ABCC1: variants seen among roughly 807,000 people sequenced by gnomAD.
The protein encoded by ABCC1 is ATP binding cassette subfamily C member 1 (ABCC1 blood group).
A neutral mutation model predicts 172.9 loss-of-function variants in ABCC1; 83 were observed. That is an observed-to-expected ratio of 0.48 (90% CI 0.40 to 0.58). The LOEUF (loss-of-function observed/expected upper bound fraction) is 0.58, where lower values mean the gene tolerates loss of function less well. ABCC1 is among the 20% of genes least tolerant of loss of function. The pLI, the probability that ABCC1 is intolerant of heterozygous loss-of-function variation, is 0.00. For synonymous variants in ABCC1, 937 were observed against 825.2 expected, an observed-to-expected ratio of 1.14 and a Z score of -2.32; for missense variants, 1,817 against 2,002.7, an observed-to-expected ratio of 0.91 and a Z score of 1.77.
intron 4 of ABCC1, 122 bp downstream of exon 4, chr16:16,014,750 AC>A: frequency 8.5e-7 from 1 of 1,178,138 alleles, no homozygotes; most frequent in Non-Finnish European, 1.2e-6. Context: ...TACCACATGC[AC>A]CTAGCTTCTC....
At chr16:16,134,062 T>C (rs535188626) in intron 27 of ABCC1, among the ~76,000 whole-genome samples, 53 of 152,234 alleles carry the variant, frequency 3.5e-4, no homozygotes, top group Admixed American at 1.0e-3. Context: ...TAGGGCTTTG[T>C]TGGAAATTCC....
intron 1 of ABCC1, among the ~76,000 whole-genome samples, chr16:15,973,260 T>G (rs990491453): frequency 3.3e-5 from 5 of 152,170 alleles, no homozygotes; most frequent in African/African-American, 1.2e-4. Context: ...AAAAAAGATA[T>G]TCTTTAAATC....
intron 26 of ABCC1, among the ~76,000 whole-genome samples, chr16:16,128,546 A>C (rs1324891211): frequency 6.6e-6 from 1 of 152,218 alleles, no homozygotes; most frequent in South Asian, 2.1e-4. Flanking sequence ...TGTCCTCATT[A>C]GTCCTACCAC....
At chr16:16,124,645 G>A in intron 24 of ABCC1, 144 bp from the exon 25 acceptor site, 2 of 1,206,796 alleles carry the variant, frequency 1.7e-6, no homozygotes. Context: ...TTTTGAAAAA[G>A]CAGTGCCAGG....
At chr16:16,125,671 G>A in intron 25 of ABCC1, 139 bp from the exon 26 acceptor site, 1 of 612,504 alleles carries the variant, frequency 1.6e-6, no homozygotes, top group Non-Finnish European at 2.8e-6. Flanking sequence ...GACCTCAGGT[G>A]ATCTGACCGC....
intron 12 of ABCC1, 21 bp downstream of exon 12, chr16:16,056,316 C>G: frequency 6.2e-7 from 1 of 1,613,568 alleles, no homozygotes; most frequent in Non-Finnish European, 8.5e-7. Context: ...CCACATTTTT[C>G]CTGGCCCTCA....
chr16:16,120,452 T>C (rs781249962), intron 23 of ABCC1, among the ~76,000 whole-genome samples: 14 of 152,138 alleles, frequency 9.2e-5, no homozygotes, highest in Non-Finnish European at 1.3e-4. Flanking sequence ...ACAAGACTTA[T>C]CGGGAGGCTC....
At chr16:15,986,716 C>T (rs1352464426) in intron 1 of ABCC1, among the ~76,000 whole-genome samples, 1 of 152,140 alleles carries the variant, frequency 6.6e-6, no homozygotes, top group Non-Finnish European at 1.5e-5. Flanking sequence ...CTGCAGAGTC[C>T]CTTTTGCCAT....
chr16:16,101,702 G>A (rs1479178450), intron 19 of ABCC1, among the ~76,000 whole-genome samples: 1 of 152,180 alleles, frequency 6.6e-6, no homozygotes, highest in African/African-American at 2.4e-5. Flanking sequence ...AGTGGGGGCA[G>A]TAGTCATCAT....
Position 16,036,523 on chromosome 16 carries a change from C to T in ABCC1, c.729C>T (p.Ser243=). 6.2e-7 allele frequency: 1 copy of T among 1,614,094 alleles called. No individual in the cohort carries two copies. The highest frequency in any genetic ancestry group is 8.5e-7 in the Non-Finnish European group (1 of 1,179,986). The change falls in exon 7 of 31, where the codon TCC becomes TCT. Residue 243 remains serine (S), a synonymous_variant. Transcript: ENST00000399410. ...RQPLEGSDLW[S]LNKEDTSEQV... ...CCCTGGAGGGCAGTGACCTCTGGTC[C>T]TTAAACAAGGAGGACACGTCGGAAC...
intron 3 of ABCC1, among the ~76,000 whole-genome samples, chr16:16,013,971 G>C (rs1314079682): frequency 1.3e-5 from 2 of 152,076 alleles, no homozygotes; most frequent in African/African-American, 4.8e-5. Flanking sequence ...AGGGCAAGTG[G>C]GTTTTGTTTT....
rs71388787 is a variant in ABCC1, at chr16:16,006,871, C to CGGTGGT, written c.49-940_49-939insTGGTGG. Among the ~76,000 whole-genome samples the CGGTGGT allele has an allele frequency of 6.2e-4, 92 of 148,140 alleles. No homozygotes were observed. In the Middle Eastern group the frequency reaches 0.01, roughly 17 times the overall value. ...GTGGTGGCGGTGGCGGTGGCGGTGG[C>CGGTGGT]GGTGGCGGTGATGGTGGTGGTGATG... On this transcript the variant is annotated intron_variant, in intron 1 of 30. Transcript: ENST00000399410.
At chr16:16,027,813 G>A (rs1242986577) in intron 5 of ABCC1, among the ~76,000 whole-genome samples, 5 of 152,034 alleles carry the variant, frequency 3.3e-5, no homozygotes, top group East Asian at 1.9e-4. Flanking sequence ...ACCCTGTCTC[G>A]AAAATATATT....
intron 1 of ABCC1, among the ~76,000 whole-genome samples, chr16:15,963,946 C>T (rs1456123163): frequency 6.6e-6 from 1 of 151,778 alleles, no homozygotes; most frequent in Non-Finnish European, 1.5e-5. Flanking sequence ...CAAATTTCCA[C>T]ACTTTTTTTT....
chr16:15,951,248 C>T (rs1435129145), intron 1 of ABCC1, among the ~76,000 whole-genome samples: 1 of 151,896 alleles, frequency 6.6e-6, no homozygotes. Context: ...GAGGAGGGGG[C>T]AAAACAGGGT....
At chr16:16,132,396 A>C (rs1364097502) in intron 27 of ABCC1, among the ~76,000 whole-genome samples, 1 of 149,186 alleles carries the variant, frequency 6.7e-6, no homozygotes, top group Non-Finnish European at 1.5e-5. Context: ...CTGATCTGGA[A>C]CTCTTGAGCT....
rs45573934 is a variant in ABCC1 at position 16,103,971 on chromosome 16, G to A, written c.2735+1254G>A. Reference sequence around the variant, plus strand: ...GGAGTTTCTTCCTTCTGGTGGGTTCGTGGTCTCGCTGGCCTCAGGAGTGAA... The same window carrying A: ...GGAGTTTCTTCCTTCTGGTGGGTTCATGGTCTCGCTGGCCTCAGGAGTGAA... On this transcript the variant is annotated intron_variant, in intron 20 of 30. Coordinates refer to ENST00000399410, the MANE Select transcript of ABCC1 (RefSeq NM_004996.4). Among the ~76,000 whole-genome samples the A allele has an allele frequency of 1.6e-3, 250 of 152,214 alleles. 1 individual carries two copies. Among genetic ancestry groups the A allele is most frequent in the African/African-American group, 5.8e-3 (239 of 41,534 alleles).
chr16:15,957,894 A>G (rs2046035484), intron 1 of ABCC1, among the ~76,000 whole-genome samples: 1 of 151,804 alleles, frequency 6.6e-6, no homozygotes, highest in South Asian at 2.1e-4. Context: ...GGCCCGCCCT[A>G]CAATGTTTAT....
Position 16,122,121 on chromosome 16 carries a change from C to T in ABCC1, c.3537C>T (p.Asp1179=), listed in dbSNP as rs2045193607. 6.2e-7 allele frequency: 1 copy of T among 1,614,074 alleles called. No homozygotes were observed. The highest frequency in any genetic ancestry group is 1.1e-5 in the South Asian group (1 of 91,088). The stretch of plus-strand genomic sequence containing the variant: ...AGGAGCGCTTCATCCACCAGAGTGA[C>T]CTGAAGGTGGACGAGAACCAGAAGG... ...EEQERFIHQS[D]LKVDENQKAY... The change falls in exon 24 of 31, where the codon GAC becomes GAT. Residue 1179 remains aspartate, a synonymous_variant. Transcript: ENST00000399410.
Sources: allele counts gnomAD v4.1 joint callset (sites outside exome capture counted in the v4.1 genomes callset), GRCh38; gene constraint gnomAD v4.1.1; transcripts MANE v1.5; gene names NCBI Gene and HGNC (gene_info 2026-07-23, HGNC 2026-07-21).